The following WWOX variants were observed in gnomAD, a reference collection of about 807,000 sequenced individuals.
WWOX encodes WW domain-containing oxidoreductase.
A neutral mutation model predicts 46.2 loss-of-function variants in WWOX; 69 were observed. The ratio of observed to expected loss-of-function variants is 1.49; its 90% CI spans 1.23 to 1.82. WWOX has a LOEUF of 1.82. Ranked by LOEUF, WWOX falls within the 40% of genes most tolerant of loss-of-function variation. The pLI is 0.00. For synonymous variants in WWOX, 359 were observed against 202.6 expected (o/e 1.77, Z -6.56); for missense variants, 919 against 542.6 (o/e 1.69, Z -6.89).
At chr16:78,108,379 A>G in intron 1 of WWOX, 44 bp from the exon 2 acceptor site, 2 of 1,584,228 alleles carry the variant, frequency 1.3e-6, no homozygotes, top group Non-Finnish European at 1.7e-6. Context: ...TTTTTAGAAG[A>G]GTTAATTTTT....
chr16:78,422,676 T>TATATATATATATATATATATATAC (rs2082962550), intron 6 of WWOX, among the ~76,000 whole-genome samples: 1 of 72,316 alleles, frequency 1.4e-5, no homozygotes, highest in Non-Finnish European at 2.5e-5. Flanking sequence ...TATATATATA[T>TATATATATATATATATATATATAC]ATATATATAC....
At chr16:78,696,205 C>A (rs940356591) in intron 8 of WWOX, among the ~76,000 whole-genome samples, 3 of 152,188 alleles carry the variant, frequency 2.0e-5, no homozygotes, top group African/African-American at 7.2e-5. Context: ...TTAACTCTCT[C>A]TGCCTGGCAA....
intron 8 of WWOX, among the ~76,000 whole-genome samples, chr16:78,746,434 G>A (rs923095967): frequency 6.6e-6 from 1 of 152,062 alleles, no homozygotes; most frequent in Admixed American, 6.6e-5. Context: ...GGAGTTTAAG[G>A]CTGCAGTGAG....
In WWOX at chr16:78,678,993, C is replaced by T. The variant is rs148768505; in HGVS notation, c.1056+246241C>T. ...CCCTAGACCCTTTTCCTCCCACAAC[C>T]ATATTGCCCCCAGTGGAGAGACAGG... On this transcript the variant is annotated intron_variant, in intron 8 of 8. Transcript: ENST00000566780. 2.2e-4 allele frequency among the ~76,000 whole-genome samples: 34 copies of T among 152,280 alleles called. No homozygotes were observed. In the East Asian group the frequency reaches 6.6e-3, roughly 29 times the overall value.
At chr16:78,983,870 C>CTTTTTTTTTTTTTTTTTTTTTTTTTTTTT (rs760130115) in intron 8 of WWOX, among the ~76,000 whole-genome samples, 1 of 79,844 alleles carries the variant, frequency 1.3e-5, no homozygotes. Context: ...GAGAGCTATT[C>CTTTTTTTTTTTTTTTTTTTTTTTTTTTTT]TTTTTTTTTT....
chr16:79,179,757 A>G (rs2050872834), intron 8 of WWOX, among the ~76,000 whole-genome samples: 1 of 152,220 alleles, frequency 6.6e-6, no homozygotes, highest in South Asian at 2.1e-4. Context: ...GAAAGGACTG[A>G]AAGATCTCAA....
At chr16:78,293,795 G>T (rs1238695714) in intron 5 of WWOX, among the ~76,000 whole-genome samples, 3 of 151,828 alleles carry the variant, frequency 2.0e-5, no homozygotes, top group African/African-American at 7.3e-5. Context: ...GGCCAACATG[G>T]TGAAACCCTG....
chr16:79,116,013 A>C (rs1467808789), intron 8 of WWOX, among the ~76,000 whole-genome samples: 1 of 152,218 alleles, frequency 6.6e-6, no homozygotes, highest in Non-Finnish European at 1.5e-5. Context: ...GTGCATACAA[A>C]AGTTGCTTAC....
chr16:78,704,482 C>T (rs2048291207), intron 8 of WWOX, among the ~76,000 whole-genome samples: 1 of 152,120 alleles, frequency 6.6e-6, no homozygotes, highest in Admixed American at 6.6e-5. Context: ...TTCAGTAACT[C>T]ATTAGGCACT....
chr16:78,816,297 C>T (rs995551516), intron 8 of WWOX, among the ~76,000 whole-genome samples: 6 of 152,110 alleles, frequency 3.9e-5, no homozygotes, highest in African/African-American at 4.8e-5. Context: ...AAGTAAAACT[C>T]TGTGAATGTT....
At position 78,609,518 on chromosome 16, in the gene WWOX, G is replaced by GT. The variant is rs2548878; in HGVS notation, c.1056+176777dup. Among the ~76,000 whole-genome samples the GT allele has an allele frequency of 2.1e-3, 314 of 146,618 alleles. 1 individual carries two copies. Among genetic ancestry groups the GT allele is most frequent in the Middle Eastern group, 0.01 (3 of 286 alleles). ...TCTGGTCAAGTCACATGCCTCTGAG[G>GT]TTTTTTTTTTTCTTTCTTTCTTTTC... is the stretch of plus-strand genomic sequence containing the variant. On this transcript the variant is annotated intron_variant, in intron 8 of 8. Transcript: ENST00000566780.
intron 3 of WWOX, among the ~76,000 whole-genome samples, chr16:78,114,389 T>G (rs778725423): frequency 1.6e-4 from 25 of 152,230 alleles, no homozygotes; most frequent in Non-Finnish European, 8.8e-5. Context: ...CGTGAGCCAC[T>G]GTGCCCAGCC....
At chr16:78,604,043 C>G (rs1364331989) in intron 8 of WWOX, among the ~76,000 whole-genome samples, 1 of 152,132 alleles carries the variant, frequency 6.6e-6, no homozygotes, top group Non-Finnish European at 1.5e-5. Context: ...ACTAAGGAGG[C>G]TGAGGCGGTA....
chr16:78,158,254 A>T (rs1201878946), intron 4 of WWOX, among the ~76,000 whole-genome samples: 2 of 152,224 alleles, frequency 1.3e-5, no homozygotes, highest in Non-Finnish European at 2.9e-5. Context: ...TTGCGTGCAT[A>T]TTAACATTAT....
At chr16:78,853,605 G>C (rs1242476795) in intron 8 of WWOX, among the ~76,000 whole-genome samples, 7 of 152,066 alleles carry the variant, frequency 4.6e-5, no homozygotes, top group African/African-American at 1.4e-4. Flanking sequence ...TTCTCATCAA[G>C]GATTTTATCT....
intron 8 of WWOX, among the ~76,000 whole-genome samples, chr16:78,729,249 G>A (rs944216288): frequency 6.6e-6 from 1 of 151,876 alleles, no homozygotes; most frequent in African/African-American, 2.4e-5. Context: ...GGCTGAGGTG[G>A]GAGGATTGCT....
chr16:78,692,752 A>G (rs922006459), intron 8 of WWOX, among the ~76,000 whole-genome samples: 7 of 152,326 alleles, frequency 4.6e-5, no homozygotes, highest in Admixed American at 1.3e-4. Context: ...AAACTGGGGT[A>G]TGAGTGGCCC....
chr16:78,455,468 C>G (rs949196978), intron 8 of WWOX, among the ~76,000 whole-genome samples: 4 of 151,456 alleles, frequency 2.6e-5, no homozygotes, highest in African/African-American at 9.7e-5. Flanking sequence ...TGGTGAAATG[C>G]CATCTCTACT....
At chr16:78,375,035 G>T (rs895585691) in intron 5 of WWOX, among the ~76,000 whole-genome samples, 20 of 152,120 alleles carry the variant, frequency 1.3e-4, no homozygotes, top group Admixed American at 1.2e-3. Context: ...AAACCACTGC[G>T]AGGCAGATAC....
Sources: allele counts gnomAD v4.1 joint callset (sites outside exome capture counted in the v4.1 genomes callset), GRCh38; gene constraint gnomAD v4.1.1; transcripts MANE v1.5; gene names NCBI Gene and HGNC (gene_info 2026-07-23, HGNC 2026-07-21).